SLMAP: variants seen among roughly 807,000 people sequenced by gnomAD.
SLMAP encodes sarcolemmal membrane-associated protein.
A neutral mutation model predicts 128.8 loss-of-function variants in SLMAP; 44 were observed. That is an observed-to-expected ratio of 0.34 (90% CI 0.27 to 0.44). The LOEUF is 0.44. SLMAP is among the 20% of genes least tolerant of loss of function. SLMAP has a pLI of 1.00. For missense variants in SLMAP, 787 were observed against 985.3 expected, an observed-to-expected ratio of 0.80 and a Z score of 2.69; for synonymous variants, 327 against 348.8, an observed-to-expected ratio of 0.94 and a Z score of 0.70.
intron 14 of SLMAP, among the ~76,000 whole-genome samples, chr3:57,885,234 G>A (rs1037513066): frequency 1.3e-5 from 2 of 151,308 alleles, no homozygotes; most frequent in African/African-American, 2.4e-5. Flanking sequence ...CACCACGCCC[G>A]GCTAAATTTG....
At chr3:57,816,255 T>A (rs1352812453) in intron 2 of SLMAP, among the ~76,000 whole-genome samples, 1 of 152,128 alleles carries the variant, frequency 6.6e-6, no homozygotes, top group East Asian at 1.9e-4. Flanking sequence ...GTTATTCTCC[T>A]GCCTCAGCCC....
In SLMAP at chr3:57,869,669, A is replaced by C. The variant is rs1434299143; in HGVS notation, c.1238-1967A>C. Among the ~76,000 whole-genome samples the C allele has an allele frequency of 1.4e-5, 2 of 138,886 alleles. 1 individual carries two copies. Among genetic ancestry groups the C allele is most frequent in the African/African-American group, 5.3e-5 (2 of 37,602 alleles). The allele number at this position is 138,886 out of a possible 152,430, so 91.1% of individuals were successfully genotyped here. ...ATATATATATATATATAATATATAT[A>C]AACAAAACAAATTCTAATGATCTAT... On this transcript the variant is annotated intron_variant, in intron 13 of 24. Coordinates refer to ENST00000671191, the MANE Select transcript of SLMAP (RefSeq NM_001377540.1).
At position 57,890,022 on chromosome 3, in the gene SLMAP, C is replaced by T. The variant is rs777178496; in HGVS notation, c.1301-19C>T. 2.1e-5 allele frequency: 34 copies of T among 1,585,814 alleles called. No individual in the cohort carries two copies. Among genetic ancestry groups the T allele is most frequent in the Middle Eastern group, 1.7e-4 (1 of 6,006 alleles). On this transcript the variant is annotated intron_variant, in intron 14 of 24. Transcript: ENST00000671191. ...TGCTCAGTTTGGGCTTGGATGGTAA[C>T]GTTTATTTTCCTTGGCAGAGAAGCT...
At chr3:57,795,204 T>G (rs570242451) in intron 2 of SLMAP, among the ~76,000 whole-genome samples, 8 of 152,362 alleles carry the variant, frequency 5.3e-5, no homozygotes, top group Admixed American at 5.2e-4. Context: ...TTATCAGACA[T>G]TTGTATGTAT....
Position 57,789,056 on chromosome 3 carries a change from G to A in SLMAP, c.198+31207G>A, listed in dbSNP as rs1317540310. Among the ~76,000 whole-genome samples the A allele has an allele frequency of 2.0e-5, 3 of 152,240 alleles. No individual in the cohort carries two copies. The East Asian group carries it at 5.8e-4, about 29-fold the overall frequency. On this transcript the variant is annotated intron_variant, in intron 2 of 24. Transcript: ENST00000671191. ...GCCCTTGTATGTCGGGGGAAATGTG[G>A]CATTAAAAAAGCAGTACAGGTCAGG...
At position 57,878,138 on chromosome 3, in the gene SLMAP, C is replaced by T. The variant is rs138734169; in HGVS notation, c.1300+6440C>T. Reference sequence around the variant, plus strand: ...GATTACAGGCATGAGCCACTGCACCCGGCCTCCTTCTTAAATTTTAGGACA... The same window carrying T: ...GATTACAGGCATGAGCCACTGCACCTGGCCTCCTTCTTAAATTTTAGGACA... On this transcript the variant is annotated intron_variant, in intron 14 of 24. Coordinates refer to ENST00000671191, the MANE Select transcript of SLMAP (RefSeq NM_001377540.1). 8.9e-4 allele frequency among the ~76,000 whole-genome samples: 135 copies of T among 152,096 alleles called. 1 individual carries two copies. Among genetic ancestry groups the T allele is most frequent in the African/African-American group, 2.2e-3 (90 of 41,498 alleles).
At chr3:57,826,449 G>A (rs747145368) in intron 2 of SLMAP, among the ~76,000 whole-genome samples, 5 of 152,118 alleles carry the variant, frequency 3.3e-5, no homozygotes, top group African/African-American at 4.8e-5. Context: ...TTAAAAAGGG[G>A]TCATGGTTCA....
At chr3:57,888,642 G>T (rs946515588) in intron 14 of SLMAP, among the ~76,000 whole-genome samples, 1 of 151,732 alleles carries the variant, frequency 6.6e-6, no homozygotes, top group Admixed American at 6.6e-5. Flanking sequence ...ATTATAGATT[G>T]ACAAAATGCA....
rs530615910 is a variant in SLMAP, at chr3:57,881,120, G to A, written c.1301-8921G>A. Reference sequence around the variant, plus strand: ...GAGGCAGGAGAATCACTTGAACCCAGGAGACAGAGGTTGCAGTGAGCTGAG... The same window carrying A: ...GAGGCAGGAGAATCACTTGAACCCAAGAGACAGAGGTTGCAGTGAGCTGAG... On this transcript the variant is annotated intron_variant, in intron 14 of 24. Transcript: ENST00000671191. Among the ~76,000 whole-genome samples, 351 of 152,122 alleles carry A rather than the reference G, an allele frequency of 2.3e-3. 1 individual carries two copies. Among genetic ancestry groups the A allele is most frequent in the African/African-American group, 7.7e-3 (321 of 41,506 alleles).
At chr3:57,925,478 C>T (rs1399896130) in intron 23 of SLMAP, among the ~76,000 whole-genome samples, 1 of 151,942 alleles carries the variant, frequency 6.6e-6, no homozygotes, top group South Asian at 2.1e-4. Context: ...CAGGCATGCA[C>T]CACCATGCCT....
chr3:57,759,969 C>T (rs1490608034), intron 2 of SLMAP, among the ~76,000 whole-genome samples: 1 of 151,966 alleles, frequency 6.6e-6, no homozygotes, highest in African/African-American at 2.4e-5. Context: ...GAGATGGAGT[C>T]TCGCTCTGTG....
chr3:57,771,803 A>G (rs375776102), intron 2 of SLMAP, among the ~76,000 whole-genome samples: 1 of 152,270 alleles, frequency 6.6e-6, no homozygotes, highest in South Asian at 2.1e-4. Context: ...ACTTTTTTGA[A>G]TATGTTAAAG....
At chr3:57,917,336 G>A in intron 22 of SLMAP, 1 of 731,874 alleles carries the variant, frequency 1.4e-6, no homozygotes, top group South Asian at 2.0e-5. Flanking sequence ...ACTTATATGA[G>A]AAATCCTTTG....
intron 12 of SLMAP, 151 bp downstream of exon 12, chr3:57,865,008 T>C (rs955272252): frequency 7.5e-6 from 2 of 266,652 alleles, no homozygotes; most frequent in Non-Finnish European, 1.2e-5. Flanking sequence ...TTTAAAAATA[T>C]GCTTGATTGC....
chr3:57,924,950 G>GT lies in SLMAP; in HGVS notation c.2446-889dup, dbSNP rs777225169. Among the ~76,000 whole-genome samples the GT allele has an allele frequency of 2.7e-5, 4 of 147,668 alleles. 1 individual carries two copies. Among genetic ancestry groups the GT allele is most frequent in the African/African-American group, 7.5e-5 (3 of 39,804 alleles). ...GTATTGTCAGTGTTTTTTGTTTTTTGTTTTTTGTTTTTTTTTTTTTTGGTG... is the reference window on the plus strand; with the variant it reads ...GTATTGTCAGTGTTTTTTGTTTTTTGTTTTTTTGTTTTTTTTTTTTTTGGTG... On this transcript the variant is annotated intron_variant, in intron 23 of 24. Transcript: ENST00000671191.
intron 3 of SLMAP, among the ~76,000 whole-genome samples, chr3:57,832,999 A>T (rs2093430478): frequency 2.0e-5 from 3 of 152,230 alleles, no homozygotes. Flanking sequence ...CCTACAAGTC[A>T]TTCAGCAAAC....
In SLMAP at chr3:57,811,188, A is replaced by G. The variant is rs998536924; in HGVS notation, c.199-20195A>G. On this transcript the variant is annotated intron_variant, in intron 2 of 24. Coordinates refer to ENST00000671191, the MANE Select transcript of SLMAP (RefSeq NM_001377540.1). ...AACCATTATCACCATTCATCTCCAT[A>G]ACTCTTTTCATCTTGTAAAGCTGAA... Among the ~76,000 whole-genome samples, 10 of 152,286 alleles carry G rather than the reference A, an allele frequency of 6.6e-5. 1 individual carries two copies. The South Asian group carries it at 2.1e-3, about 32-fold the overall frequency.
At chr3:57,763,639 G>C (rs1478957318) in intron 2 of SLMAP, among the ~76,000 whole-genome samples, 2 of 152,072 alleles carry the variant, frequency 1.3e-5, no homozygotes, top group African/African-American at 4.8e-5. Context: ...AGTGGTAAAG[G>C]GGGAGAAAAT....
chr3:57,836,529 G>A (rs2093649990), intron 3 of SLMAP, among the ~76,000 whole-genome samples: 1 of 151,814 alleles, frequency 6.6e-6, no homozygotes, highest in Non-Finnish European at 1.5e-5. Flanking sequence ...ATAGAGATGG[G>A]GCCTCACTGT....
Sources: gnomAD v4.1 joint callset for allele counts (sites outside exome capture counted in the v4.1 genomes callset) on GRCh38, gnomAD v4.1.1 for gene constraint, MANE v1.5 for transcripts, NCBI Gene and HGNC (gene_info 2026-07-23, HGNC 2026-07-21) for gene names.